NTN1: variants seen among roughly 807,000 people sequenced by gnomAD.
The protein encoded by NTN1 is netrin-1.
In NTN1, 11 loss-of-function variants were observed where a neutral mutation model predicts 54.2. The observed-to-expected ratio is 0.20, with a 90% CI of 0.13 to 0.34. The LOEUF (loss-of-function observed/expected upper bound fraction) is 0.34, where lower values mean the gene tolerates loss of function less well. Ranked by LOEUF, NTN1 falls within the 10% of genes least tolerant of loss-of-function variation. The probability of loss-of-function intolerance (pLI) is 1.00; values close to 1 mark genes in which losing one functional copy is unlikely to be tolerated. For synonymous variants in NTN1, 371 were observed against 382.0 expected, an observed-to-expected ratio of 0.97 and a Z score of 0.33; for missense variants, 740 against 893.1, an observed-to-expected ratio of 0.83 and a Z score of 2.18.
intron 2 of NTN1, among the ~76,000 whole-genome samples, chr17:9,060,631 G>A (rs189009608): frequency 2.3e-4 from 35 of 152,172 alleles, no homozygotes; most frequent in African/African-American, 8.2e-4. Flanking sequence ...AACAGCACGG[G>A]GACTCATAAT....
At chr17:9,015,836 C>T in the NTN1 span, among the ~76,000 whole-genome samples, 1 of 152,038 alleles carries the variant, frequency 6.6e-6, no homozygotes, top group African/African-American at 2.4e-5. Flanking sequence ...TTTGGGAGGC[C>T]AAGGCGGGCG....
At chr17:9,147,168 C>T (rs1038066659) in intron 2 of NTN1, among the ~76,000 whole-genome samples, 30 of 152,320 alleles carry the variant, frequency 2.0e-4, no homozygotes, top group African/African-American at 6.3e-4. Flanking sequence ...CAGGGAAGCT[C>T]TGCTGCGCAG....
intron 6 of NTN1, among the ~76,000 whole-genome samples, chr17:9,224,524 A>G (rs1295455753): frequency 6.6e-6 from 1 of 152,234 alleles, no homozygotes; most frequent in Non-Finnish European, 1.5e-5. Flanking sequence ...TGCTTGGGTC[A>G]TAGGCAGTGA....
intron 6 of NTN1, among the ~76,000 whole-genome samples, chr17:9,222,609 C>G (rs923424887): frequency 6.6e-6 from 1 of 152,078 alleles, no homozygotes; most frequent in Non-Finnish European, 1.5e-5. Flanking sequence ...GAGGAAACGG[C>G]GGTGGAAGAA....
At chr17:9,082,672 C>T (rs1045676023) in intron 2 of NTN1, among the ~76,000 whole-genome samples, 1 of 148,926 alleles carries the variant, frequency 6.7e-6, no homozygotes, top group Non-Finnish European at 1.5e-5. Context: ...CGTTACTCTA[C>T]GAGTGCATAG....
chr17:9,034,254 G>T (rs1002772716), intron 2 of NTN1, among the ~76,000 whole-genome samples: 1 of 152,064 alleles, frequency 6.6e-6, no homozygotes, highest in Non-Finnish European at 1.5e-5. Context: ...CAGAGGAGGG[G>T]TACAGGAAGG....
At chr17:9,178,010 C>A (rs560681312) in intron 3 of NTN1, among the ~76,000 whole-genome samples, 1 of 152,142 alleles carries the variant, frequency 6.6e-6, no homozygotes, top group Non-Finnish European at 1.5e-5. Context: ...GCCTGGCTGA[C>A]GTGTTAAAAC....
intron 5 of NTN1, among the ~76,000 whole-genome samples, chr17:9,208,140 A>G (rs908853965): frequency 6.6e-6 from 1 of 152,148 alleles, no homozygotes. Flanking sequence ...GCTGAGGCAG[A>G]AGAATCGCTT....
intron 6 of NTN1, among the ~76,000 whole-genome samples, chr17:9,224,945 T>TG (rs903013617): frequency 6.6e-6 from 1 of 152,162 alleles, no homozygotes; most frequent in Non-Finnish European, 1.5e-5. Flanking sequence ...TCCTCAGTCC[T>TG]GGGGGTGGTG....
intron 2 of NTN1, among the ~76,000 whole-genome samples, chr17:9,097,760 AAT>A (rs1328439257): frequency 6.6e-6 from 1 of 152,218 alleles, no homozygotes; most frequent in African/African-American, 2.4e-5. Context: ...TTTATCACTT[AAT>A]ATATCGTGGC....
At chr17:9,205,777 C>T (rs576870953) in intron 5 of NTN1, among the ~76,000 whole-genome samples, 1 of 152,206 alleles carries the variant, frequency 6.6e-6, no homozygotes, top group Non-Finnish European at 1.5e-5. Flanking sequence ...GGAATGGGCC[C>T]CCACCGGCCA....
intron 5 of NTN1, chr17:9,183,391 T>C (rs62068199): frequency 0.37 from 170,626 of 463,220 alleles, 33,074 homozygotes; most frequent in Middle Eastern, 0.48. Flanking sequence ...GCCCAGGAGC[T>C]GGGCGTGGGG....
chr17:9,052,691 T>C (rs529110502), intron 2 of NTN1, among the ~76,000 whole-genome samples: 2 of 152,320 alleles, frequency 1.3e-5, no homozygotes, highest in South Asian at 4.1e-4. Flanking sequence ...GGTAGGAAGA[T>C]AGCTTGAGCC....
At chr17:9,084,139 G>C (rs986066695) in intron 2 of NTN1, among the ~76,000 whole-genome samples, 1 of 152,168 alleles carries the variant, frequency 6.6e-6, no homozygotes, top group African/African-American at 2.4e-5. Context: ...TCAGAAGCAC[G>C]TGTAGTTGCC....
chr17:9,118,053 AG>A (rs2092220126), intron 2 of NTN1, among the ~76,000 whole-genome samples: 1 of 152,174 alleles, frequency 6.6e-6, no homozygotes, highest in Non-Finnish European at 1.5e-5. Flanking sequence ...CCCATTTTCC[AG>A]GTATGTGTGA....
chr17:9,178,260 A>G (rs1256998087), intron 3 of NTN1, among the ~76,000 whole-genome samples: 1 of 152,226 alleles, frequency 6.6e-6, no homozygotes, highest in Non-Finnish European at 1.5e-5. Flanking sequence ...AGACTGGAGC[A>G]GTTCCATCAG....
intron 2 of NTN1, among the ~76,000 whole-genome samples, chr17:9,097,823 A>G (rs9913337): frequency 0.72 from 108,938 of 151,378 alleles, 39,654 homozygotes; most frequent in East Asian, 0.96. Flanking sequence ...TTGAATGCAT[A>G]TAACGTAATT....
intron 2 of NTN1, among the ~76,000 whole-genome samples, chr17:9,080,260 A>C (rs1360683718): frequency 6.6e-6 from 1 of 152,112 alleles, no homozygotes; most frequent in Non-Finnish European, 1.5e-5. Flanking sequence ...GGACCTCTCT[A>C]TCCCCTCTGG....
At chr17:9,112,003 A>G (rs1417567563) in intron 2 of NTN1, among the ~76,000 whole-genome samples, 3 of 152,244 alleles carry the variant, frequency 2.0e-5, no homozygotes, top group Non-Finnish European at 4.4e-5. Context: ...GTCAACGGCC[A>G]TTGTGGATTT....
Sources: gnomAD v4.1 joint callset for allele counts (sites outside exome capture counted in the v4.1 genomes callset) on GRCh38, gnomAD v4.1.1 for gene constraint, MANE v1.5 for transcripts, NCBI Gene and HGNC (gene_info 2026-07-23, HGNC 2026-07-21) for gene names.